Variants in WT1 observed in about 807,000 individuals in gnomAD.
WT1 encodes WT1 transcription factor.
In WT1, 8 loss-of-function variants were observed where a neutral mutation model predicts 60.8. The ratio of observed to expected loss-of-function variants is 0.13; its 90% confidence interval spans 0.08 to 0.24. The LOEUF is 0.24. WT1 is among the 10% of genes least tolerant of loss of function. The pLI is 1.00. For synonymous variants in WT1, 312 were observed against 297.1 expected, an observed-to-expected ratio of 1.05 and a Z score of -0.52; for missense variants, 568 against 711.8, an observed-to-expected ratio of 0.80 and a Z score of 2.30.
At chr11:32,392,141 G>A in intron 8 of WT1, 77 bp from the exon 9 acceptor site, 4 of 1,305,922 alleles carry the variant, frequency 3.1e-6, no homozygotes, top group East Asian at 2.3e-5. Flanking sequence ...ACTTCCGGCA[G>A]CTGGAGGAGC....
intron 3 of WT1, among the ~76,000 whole-genome samples, chr11:32,417,905 A>G (rs953108914): frequency 2.6e-5 from 4 of 152,182 alleles, no homozygotes; most frequent in African/African-American, 7.2e-5. Context: ...TATAGCAACT[A>G]TTGAAGTTTC....
At chr11:32,393,764 T>C (rs1242273318) in intron 7 of WT1, among the ~76,000 whole-genome samples, 2 of 152,244 alleles carry the variant, frequency 1.3e-5, no homozygotes, top group African/African-American at 2.4e-5. Flanking sequence ...GGAAACTGCA[T>C]GGGCCAATTT....
chr11:32,395,107 A>G (rs914166822), intron 7 of WT1, among the ~76,000 whole-genome samples: 6 of 152,358 alleles, frequency 3.9e-5, no homozygotes, highest in Middle Eastern at 3.4e-3. Flanking sequence ...GGACACAGTG[A>G]ATTAGCAAAT....
intron 3 of WT1, among the ~76,000 whole-genome samples, chr11:32,427,065 C>G (rs1409109844): frequency 1.3e-5 from 2 of 152,210 alleles, no homozygotes; most frequent in Non-Finnish European, 2.9e-5. Flanking sequence ...GTGTCAGGAT[C>G]CCCGAGCACC....
chr11:32,410,703 T>C (rs1294830147), intron 5 of WT1, among the ~76,000 whole-genome samples: 1 of 152,186 alleles, frequency 6.6e-6, no homozygotes, highest in Admixed American at 6.5e-5. Context: ...AAAATAACTG[T>C]TTTCATTTTA....
At position 32,434,913 on chromosome 11, in the gene WT1, T is replaced by C. The variant is rs1853447534; in HGVS notation, c.448A>G (p.Ser150Gly). ...TCGTGCGGCTCCGCGCCGCCCCAGC[T>C]CGGCTCCTGTTTGATGAAGGAGTGA... The change falls in exon 1 of 10, where the codon AGC (serine) becomes GGC (glycine). Residue 150 changes from serine (S) to glycine (G), a missense_variant. Coordinates refer to ENST00000452863, the MANE Select transcript of WT1 (RefSeq NM_024426.6). 2 of 1,609,068 alleles carry C rather than the reference T, an allele frequency of 1.2e-6. No individual in the cohort carries two copies. Among genetic ancestry groups the C allele is most frequent in the Non-Finnish European group, 1.7e-6 (2 of 1,178,914 alleles).
chr11:32,416,031 A>G (rs538579576), intron 5 of WT1, among the ~76,000 whole-genome samples: 1 of 152,322 alleles, frequency 6.6e-6, no homozygotes, highest in South Asian at 2.1e-4. Context: ...GTTTGGGAAT[A>G]AAAACAAACT....
At chr11:32,430,766 C>A in intron 1 of WT1, 1 of 1,332,024 alleles carries the variant, frequency 7.5e-7, no homozygotes, top group Non-Finnish European at 9.6e-7. Context: ...AAAGACCGGC[C>A]TCAAACCCTC....
chr11:32,423,990 CT>C (rs1852939104), intron 3 of WT1, among the ~76,000 whole-genome samples: 1 of 151,762 alleles, frequency 6.6e-6, no homozygotes, highest in South Asian at 2.1e-4. Context: ...GTGAAACCCC[CT>C]CTCTACTAAA....
intron 6 of WT1, among the ~76,000 whole-genome samples, chr11:32,396,661 A>T (rs1851985425): frequency 6.6e-6 from 1 of 152,194 alleles, no homozygotes; most frequent in South Asian, 2.1e-4. Context: ...TGAAACCTAC[A>T]TGAAATGGCT....
intron 5 of WT1, 82 bp from the exon 6 acceptor site, chr11:32,400,126 T>C (rs566385811): frequency 5.3e-6 from 8 of 1,511,484 alleles, no homozygotes; most frequent in Non-Finnish European, 5.5e-6. Flanking sequence ...CAGGAGGGAA[T>C]GATGGTTTTT....
chr11:32,397,470 C>G (rs1456625322), intron 6 of WT1, among the ~76,000 whole-genome samples: 1 of 149,084 alleles, frequency 6.7e-6, no homozygotes, highest in African/African-American at 2.5e-5. Context: ...TGAGAGTCAT[C>G]ATGCCCAGCT....
chr11:32,415,512 G>A (rs1003889353), intron 5 of WT1, among the ~76,000 whole-genome samples: 4 of 152,252 alleles, frequency 2.6e-5, no homozygotes, highest in Non-Finnish European at 5.9e-5. Flanking sequence ...GCCGGGCGTG[G>A]TGGCACATGC....
intron 1 of WT1, among the ~76,000 whole-genome samples, chr11:32,431,253 GA>G (rs1248643794): frequency 6.6e-6 from 1 of 152,142 alleles, no homozygotes; most frequent in Non-Finnish European, 1.5e-5. Context: ...TGTGATTGGG[GA>G]AAACCTGTCC....
chr11:32,428,520 G>A lies in WT1; in HGVS notation c.761C>T (p.Pro254Leu), dbSNP rs1213160959. 2 of 1,614,034 alleles carry A rather than the reference G, an allele frequency of 1.2e-6. No homozygotes were observed. Among genetic ancestry groups the A allele is most frequent in the African/African-American group, 2.7e-5 (2 of 74,942 alleles). ...ACCCAGCGAGCCCTGCTGGCCCATG[G>A]GATCCTCATGCTTGAATGAGTGGTT... The change falls in exon 2 of 10, where the codon CCC (proline) becomes CTC (leucine). Residue 254 changes from proline to leucine, a missense_variant. Transcript: ENST00000452863.
chr11:32,428,157 G>T lies in WT1; in HGVS notation c.785-99C>A, dbSNP rs898939829. The T allele has an allele frequency of 3.7e-5, 42 of 1,125,734 alleles. No individual in the cohort carries two copies. The African/African-American group carries it at 5.0e-4, about 13-fold the overall frequency. The allele number at this position is 1,125,734 out of a possible 1,614,324, so 69.7% of individuals were successfully genotyped here. A position where few individuals can be genotyped will look rare whatever the true frequency, so the allele number is the denominator to read the frequency against. ...GGGGGAGACACGAGATCCTGAGCCT[G>T]GGGCACTGGGGCCTGGATGAGCGGC... On this transcript the variant is annotated intron_variant, in intron 2 of 9. Transcript: ENST00000452863.
intron 1 of WT1, among the ~76,000 whole-genome samples, chr11:32,431,749 A>T (rs1853320096): frequency 6.6e-6 from 1 of 151,856 alleles, no homozygotes. Context: ...TAAGCCTTGC[A>T]TCTAGTCTGG....
At chr11:32,389,253 T>G in intron 9 of WT1, 74 bp from the exon 10 acceptor site, 2 of 1,611,060 alleles carry the variant, frequency 1.2e-6, no homozygotes, top group African/African-American at 2.7e-5. Flanking sequence ...AAGGCCCGAG[T>G]GAAGTCATCA....
intron 5 of WT1, among the ~76,000 whole-genome samples, chr11:32,408,549 A>G (rs1296014289): frequency 8.1e-5 from 12 of 148,636 alleles, no homozygotes; most frequent in Non-Finnish European, 1.6e-4. Context: ...AAAAAGAAAG[A>G]AAGAAAAAAG....
Sources: allele counts gnomAD v4.1 joint callset (sites outside exome capture counted in the v4.1 genomes callset), GRCh38; gene constraint gnomAD v4.1.1; transcripts MANE v1.5; gene names NCBI Gene and HGNC (gene_info 2026-07-23, HGNC 2026-07-21).